Variants in IMMP1L observed in about 807,000 individuals in gnomAD.
The protein encoded by IMMP1L is mitochondrial inner membrane protease subunit 1.
IMMP1L carries 24 observed loss-of-function variants against 21.8 expected under a neutral mutation model. That is an observed-to-expected ratio of 1.10 (90% CI 0.80 to 1.55). The LOEUF is 1.55. IMMP1L is among the 40% of genes most tolerant of loss of function. IMMP1L has a pLI of 0.00. For missense variants in IMMP1L, 195 were observed against 200.7 expected (o/e 0.97, Z 0.17); for synonymous variants, 46 against 62.8 (o/e 0.73, Z 1.26).
At chr11:31,488,791 C>T (rs1008187625) in intron 1 of IMMP1L, among the ~76,000 whole-genome samples, 5 of 152,176 alleles carry the variant, frequency 3.3e-5, no homozygotes, top group Admixed American at 2.6e-4. Context: ...ATACGTTTGA[C>T]ACTGACTTGA....
intron 1 of IMMP1L, among the ~76,000 whole-genome samples, chr11:31,466,853 G>A (rs1483683529): frequency 6.6e-6 from 1 of 151,966 alleles, no homozygotes; most frequent in African/African-American, 2.4e-5. Context: ...CAGCACTGTT[G>A]GATGAATACG....
chr11:31,433,449 G>GA lies in IMMP1L; in HGVS notation c.432+10dup. On this transcript the variant is annotated intron_variant, in intron 5 of 5. Coordinates refer to ENST00000532287, the MANE Select transcript of IMMP1L (RefSeq NM_001304274.2). Reference sequence around the variant, plus strand: ...GAAAATAAACCTTACATTTTAAGCAGAAAATGGTACCTTAAAGAAGATTCG... The same window carrying GA: ...GAAAATAAACCTTACATTTTAAGCAGAAAAATGGTACCTTAAAGAAGATTCG... The GA allele has an allele frequency of 6.9e-7, 1 of 1,457,680 alleles. No individual in the cohort carries two copies. The highest frequency in any genetic ancestry group is 1.4e-5 in the African/African-American group (1 of 70,262). 90.3% of individuals were successfully genotyped at this position (1,457,680 alleles called of 1,614,324 possible). A position where few individuals can be genotyped will look rare whatever the true frequency, so the allele number is the denominator to read the frequency against.
intron 4 of IMMP1L, among the ~76,000 whole-genome samples, chr11:31,435,833 A>C (rs1190362309): frequency 1.3e-5 from 2 of 152,122 alleles, no homozygotes; most frequent in Admixed American, 1.3e-4. Context: ...CTGAATTTTG[A>C]GTCTTTCTTA....
intron 1 of IMMP1L, among the ~76,000 whole-genome samples, chr11:31,482,518 C>G (rs1028324457): frequency 1.3e-5 from 2 of 151,830 alleles, no homozygotes; most frequent in Non-Finnish European, 2.9e-5. Context: ...AAATGACAGG[C>G]TAACAGAAAA....
At chr11:31,433,769 TAAAAA>T (rs1564962725) in intron 4 of IMMP1L, 199 bp from the exon 5 acceptor site, 1 of 419,646 alleles carries the variant, frequency 2.4e-6, no homozygotes, top group African/African-American at 2.1e-5. Flanking sequence ...TCAACTTTTT[TAAAAA>T]CCTATCATCT....
chr11:31,478,887 A>C (rs1257302718), intron 1 of IMMP1L, among the ~76,000 whole-genome samples: 1 of 152,088 alleles, frequency 6.6e-6, no homozygotes, highest in East Asian at 1.9e-4. Flanking sequence ...ATTCTTAACT[A>C]TATGTTTTTA....
chr11:31,467,602 T>A (rs1954401112), intron 1 of IMMP1L, among the ~76,000 whole-genome samples: 1 of 152,096 alleles, frequency 6.6e-6, no homozygotes, highest in South Asian at 2.1e-4. Flanking sequence ...AAAAGATGCA[T>A]GTGTTGGGAA....
intron 1 of IMMP1L, among the ~76,000 whole-genome samples, chr11:31,464,989 A>C (rs1327283097): frequency 6.6e-6 from 1 of 152,176 alleles, no homozygotes; most frequent in Non-Finnish European, 1.5e-5. Context: ...ATTGAAAAAG[A>C]GGAAGTAACT....
chr11:31,438,187 G>A (rs1953189635), intron 4 of IMMP1L, among the ~76,000 whole-genome samples: 2 of 152,102 alleles, frequency 1.3e-5, no homozygotes, highest in African/African-American at 2.4e-5. Context: ...ATGTATGACT[G>A]TGTTCCTGTT....
chr11:31,446,581 C>G (rs914345997), intron 4 of IMMP1L, among the ~76,000 whole-genome samples: 1 of 152,142 alleles, frequency 6.6e-6, no homozygotes, highest in African/African-American at 2.4e-5. Context: ...TTTATCTCTT[C>G]TTACTACTCA....
intron 1 of IMMP1L, among the ~76,000 whole-genome samples, chr11:31,464,952 C>T (rs1283572643): frequency 2.6e-5 from 4 of 151,956 alleles, no homozygotes; most frequent in East Asian, 1.9e-4. Flanking sequence ...AGCAATTAGG[C>T]AAAATAAAGA....
chr11:31,500,404 A>G (rs1229492366), intron 1 of IMMP1L, among the ~76,000 whole-genome samples: 1 of 152,178 alleles, frequency 6.6e-6, no homozygotes, highest in Non-Finnish European at 1.5e-5. Flanking sequence ...CTGTAAAACA[A>G]GAGATATAGA....
intron 4 of IMMP1L, among the ~76,000 whole-genome samples, chr11:31,447,586 C>A (rs998764648): frequency 1.3e-5 from 2 of 152,184 alleles, no homozygotes; most frequent in African/African-American, 4.8e-5. Context: ...GTCTCCTTTT[C>A]TTGTTAGCTC....
At chr11:31,488,472 G>C (rs1955153814) in intron 1 of IMMP1L, among the ~76,000 whole-genome samples, 1 of 152,092 alleles carries the variant, frequency 6.6e-6, no homozygotes, top group South Asian at 2.1e-4. Flanking sequence ...AGAGAAGAAA[G>C]TAATAGCTAA....
chr11:31,498,211 A>T (rs1592044247), intron 1 of IMMP1L, among the ~76,000 whole-genome samples: 1 of 152,334 alleles, frequency 6.6e-6, no homozygotes, highest in East Asian at 1.9e-4. Context: ...TGTAATACCA[A>T]ATGACCTTTA....
In IMMP1L at chr11:31,466,443, C is replaced by G. The variant is rs188691164; in HGVS notation, c.-29-3138G>C. On this transcript the variant is annotated intron_variant, in intron 1 of 5. Coordinates refer to ENST00000532287, the MANE Select transcript of IMMP1L (RefSeq NM_001304274.2). ...AGGAAATCAGTATATCAAAGGGATA[C>G]CTGCATCCTCATGTTTATTGCAGCG... Among the ~76,000 whole-genome samples, 30 of 152,154 alleles carry G rather than the reference C, an allele frequency of 2.0e-4. No homozygotes were observed. The East Asian group carries it at 5.6e-3, about 28-fold the overall frequency.
At chr11:31,465,123 A>G (rs994208185) in intron 1 of IMMP1L, among the ~76,000 whole-genome samples, 1 of 152,166 alleles carries the variant, frequency 6.6e-6, no homozygotes, top group African/African-American at 2.4e-5. Flanking sequence ...TACAAAAATT[A>G]GTAGCATTTT....
chr11:31,433,843 T>G (rs1399264582), intron 4 of IMMP1L: 1 of 263,910 alleles, frequency 3.8e-6, no homozygotes, highest in Non-Finnish European at 7.1e-6. Context: ...ACTGAGGTTA[T>G]AAGAGATCAA....
At chr11:31,453,065 T>C in intron 4 of IMMP1L, 1 of 1,289,170 alleles carries the variant, frequency 7.8e-7, no homozygotes, top group Non-Finnish European at 1.0e-6. Flanking sequence ...AACAGCATCT[T>C]AATAGGAACT....
Sources: gnomAD v4.1 joint callset for allele counts (sites outside exome capture counted in the v4.1 genomes callset) on GRCh38, gnomAD v4.1.1 for gene constraint, MANE v1.5 for transcripts, NCBI Gene and HGNC (gene_info 2026-07-23, HGNC 2026-07-21) for gene names.